CCDC86: variants seen among roughly 807,000 people sequenced by gnomAD.
CCDC86 encodes the protein coiled-coil domain-containing protein 86.
A neutral mutation model predicts 36.7 loss-of-function variants in CCDC86; 28 were observed. That is an observed-to-expected ratio of 0.76 (90% CI 0.57 to 1.05). The LOEUF (loss-of-function observed/expected upper bound fraction) is 1.05. CCDC86 is among the 50% of genes least tolerant of loss of function. The pLI is 0.00. For missense variants in CCDC86, 453 were observed against 470.2 expected, an observed-to-expected ratio of 0.96 and a Z score of 0.34; for synonymous variants, 199 against 203.4, an observed-to-expected ratio of 0.98 and a Z score of 0.18.
intron 1 of CCDC86, 27 bp from the exon 2 acceptor site, chr11:60,847,897 T>C (rs1416947742): frequency 1.2e-6 from 2 of 1,600,250 alleles, no homozygotes; most frequent in Non-Finnish European, 1.7e-6. Flanking sequence ...CCACAGACCC[T>C]GTATGCACCC....
chr11:60,843,852 T>A (rs1042134966), intron 1 of CCDC86, among the ~76,000 whole-genome samples: 3 of 152,198 alleles, frequency 2.0e-5, no homozygotes, highest in African/African-American at 7.2e-5. Flanking sequence ...GGCCCTTTTC[T>A]TGTATCCTTA....
chr11:60,842,343 G>T lies in CCDC86; in HGVS notation c.219G>T (p.Gln73His). 1 of 1,613,812 alleles carries T rather than the reference G, an allele frequency of 6.2e-7. No individual in the cohort carries two copies. The highest frequency in any genetic ancestry group is 8.5e-7 in the Non-Finnish European group (1 of 1,179,942). Residue 73 changes from glutamine (Q) to histidine (H), a missense_variant, in exon 1 of 4, where the codon CAG becomes CAT. Physicochemically the swap from Gln to His is conservative, Grantham distance 24 (BLOSUM62 0). Coordinates refer to ENST00000227520, the MANE Select transcript of CCDC86 (RefSeq NM_024098.4). ...PKTSPGSPRL[Q>H]QGAGLESPQG... ...CAAGCCCAGGATCACCCCGTCTGCA[G>T]CAGGGTGCAGGCTTGGAGTCACCCC...
At chr11:60,846,736 A>C (rs1208155364) in intron 1 of CCDC86, among the ~76,000 whole-genome samples, 1 of 151,896 alleles carries the variant, frequency 6.6e-6, no homozygotes, top group Admixed American at 6.6e-5. Flanking sequence ...CACCACACCC[A>C]GCTAATTTTG....
intron 2 of CCDC86, among the ~76,000 whole-genome samples, chr11:60,848,511 C>T (rs1855216056): frequency 6.6e-6 from 1 of 152,136 alleles, no homozygotes; most frequent in African/African-American, 2.4e-5. Context: ...TGGATGGCCC[C>T]CGCACCTTTC....
intron 1 of CCDC86, among the ~76,000 whole-genome samples, chr11:60,844,467 C>T (rs931299372): frequency 6.6e-6 from 1 of 152,166 alleles, no homozygotes; most frequent in Non-Finnish European, 1.5e-5. Flanking sequence ...CCATGTGTGA[C>T]GCTCCCTCCT....
chr11:60,848,478 A>T (rs1389900955), intron 2 of CCDC86, among the ~76,000 whole-genome samples: 1 of 152,066 alleles, frequency 6.6e-6, no homozygotes, highest in African/African-American at 2.4e-5. Flanking sequence ...ATTCTCCAAG[A>T]AGCAGCCCAC....
At position 60,842,544 on chromosome 11, in the gene CCDC86, G is replaced by C; in HGVS notation, c.420G>C (p.Gln140His). ...GAGTACTGGCCTCGGAGTTGGCCCA[G>C]AATAAGGAGGAGCTGACCCCGGGGG... The part of the protein sequence containing the change: ...DQGVLASELA[Q>H]NKEELTPGAP... Residue 140 changes from glutamine (Q) to histidine (H), a missense_variant, in exon 1 of 4, where the codon CAG (glutamine) becomes CAC (histidine). Coordinates refer to ENST00000227520, the MANE Select transcript of CCDC86 (RefSeq NM_024098.4). The C allele has an allele frequency of 6.2e-7, 1 of 1,613,572 alleles. No homozygotes were observed. The highest frequency in any genetic ancestry group is 2.2e-5 in the East Asian group (1 of 44,882).
rs1247833858 is a variant in CCDC86, at chr11:60,842,494, G to C, written c.370G>C (p.Ala124Pro). Reference protein sequence around the residue: ...PRCQPKPSEEAPKCSQDQGVL... With the variant: ...PRCQPKPSEEPPKCSQDQGVL... Reference sequence around the variant, plus strand: ...ATGTCAGCCGAAGCCAAGTGAGGAGGCACCAAAGTGTTCTCAGGACCAGGG... The same window carrying C: ...ATGTCAGCCGAAGCCAAGTGAGGAGCCACCAAAGTGTTCTCAGGACCAGGG... Residue 124 changes from alanine to proline, a missense_variant, in exon 1 of 4, where the codon GCA becomes CCA. By Grantham distance (27) the Ala-to-Pro change is conservative. Transcript: ENST00000227520. 1 of 1,613,748 alleles carries C rather than the reference G, an allele frequency of 6.2e-7. No individual in the cohort carries two copies. Among genetic ancestry groups the C allele is most frequent in the East Asian group, 2.2e-5 (1 of 44,872 alleles).
intron 1 of CCDC86, among the ~76,000 whole-genome samples, chr11:60,846,449 T>A (rs1855183341): frequency 6.6e-6 from 1 of 152,218 alleles, no homozygotes; most frequent in South Asian, 2.1e-4. Context: ...TTTACTTTTT[T>A]TGAATGGAAA....
intron 1 of CCDC86, among the ~76,000 whole-genome samples, chr11:60,845,932 G>A (rs937905730): frequency 1.3e-5 from 2 of 152,152 alleles, no homozygotes; most frequent in Admixed American, 6.5e-5. Context: ...TACCTTAGCC[G>A]CCAGCCACAT....
intron 2 of CCDC86, 102 bp downstream of exon 2, chr11:60,848,155 G>A (rs1368949410): frequency 7.1e-6 from 10 of 1,403,770 alleles, no homozygotes; most frequent in African/African-American, 2.9e-5. Context: ...GGGGGAGGCC[G>A]ACTTGGTTAA....
At chr11:60,845,530 G>A (rs1263699472) in intron 1 of CCDC86, among the ~76,000 whole-genome samples, 3 of 152,230 alleles carry the variant, frequency 2.0e-5, no homozygotes, top group East Asian at 1.9e-4. Flanking sequence ...GAGCAGCTTC[G>A]GTGGGTAGTA....
intron 1 of CCDC86, among the ~76,000 whole-genome samples, chr11:60,843,633 C>A (rs2134798483): frequency 6.6e-6 from 1 of 152,302 alleles, no homozygotes; most frequent in East Asian, 1.9e-4. Context: ...ATAGTAAATG[C>A]CCAATGAATG....
chr11:60,850,653 A>C lies in CCDC86; in HGVS notation c.*328A>C. 6.5e-6 allele frequency: 2 copies of C among 307,678 alleles called. No individual in the cohort carries two copies. Among genetic ancestry groups the C allele is most frequent in the Non-Finnish European group, 1.2e-5 (2 of 163,644 alleles). The allele number at this position is 307,678 out of a possible 1,614,324, so 19.1% of individuals were successfully genotyped here. A position where few individuals can be genotyped will look rare whatever the true frequency, so the allele number is the denominator to read the frequency against. On this transcript the variant is annotated 3_prime_UTR_variant, in exon 4 of 4. Transcript: ENST00000227520. ...TCAGTGAGCTGGTGACTGGCAGGTG[A>C]CTCCCTCAGCAGTGTATGCCCTTTC...
Position 60,842,130 on chromosome 11 carries a change from T to C in CCDC86, c.6T>C (p.Asp2=), listed in dbSNP as rs1379606758. The change falls in exon 1 of 4, where the codon GAT becomes GAC. Residue 2 remains aspartate, a synonymous_variant. Transcript: ENST00000227520. M[D]TPLRRSRRLG... ...GGAAACTTACCGGCTGAGCCATGGATACACCGTTAAGGCGCAGCCGACGGC... is the reference window on the plus strand; with the variant it reads ...GGAAACTTACCGGCTGAGCCATGGACACACCGTTAAGGCGCAGCCGACGGC... 4.4e-6 allele frequency: 7 copies of C among 1,575,878 alleles called. No individual in the cohort carries two copies. Among genetic ancestry groups the C allele is most frequent in the Non-Finnish European group, 6.0e-6 (7 of 1,162,276 alleles).
chr11:60,842,120 G>A lies in CCDC86; in HGVS notation c.-5G>A. 1 of 1,536,496 alleles carries A rather than the reference G, an allele frequency of 6.5e-7. No homozygotes were observed. Among genetic ancestry groups the A allele is most frequent in the Non-Finnish European group, 8.8e-7 (1 of 1,141,980 alleles). On this transcript the variant is annotated 5_prime_UTR_variant, in exon 1 of 4. Coordinates refer to ENST00000227520, the MANE Select transcript of CCDC86 (RefSeq NM_024098.4). ...GCAGGGGTGTGGAAACTTACCGGCT[G>A]AGCCATGGATACACCGTTAAGGCGC...
chr11:60,842,635 G>C lies in CCDC86; in HGVS notation c.511G>C (p.Gly171Arg), dbSNP rs199594485. The C allele has an allele frequency of 5.6e-6, 9 of 1,613,782 alleles. No homozygotes were observed. The highest frequency in any genetic ancestry group is 7.6e-6 in the Non-Finnish European group (9 of 1,179,998). ...PEPYPGQQAP[G>R]PEPSQPLLEL... ...GCCTTACCCCGGTCAGCAAGCTCCC[G>C]GTCCGGAGCCCTCTCAGCCACTACT... Residue 171 changes from glycine to arginine, a missense_variant, in exon 1 of 4, where the codon GGT (glycine) becomes CGT (arginine). Gly to Arg is a moderately radical substitution (Grantham distance 125). Coordinates refer to ENST00000227520, the MANE Select transcript of CCDC86 (RefSeq NM_024098.4).
intron 1 of CCDC86, among the ~76,000 whole-genome samples, chr11:60,846,873 T>C (rs537024): frequency 0.72 from 109,153 of 151,974 alleles, 39,526 homozygotes; most frequent in East Asian, 0.92. Context: ...TGCGCCCGGC[T>C]GATCTTTGGC....
rs2074422 is a variant in CCDC86 at position 60,842,499 on chromosome 11, A to G, written c.375A>G (p.Pro125=). Residue 125 remains proline, a synonymous_variant, in exon 1 of 4, where the codon CCA becomes CCG. Transcript: ENST00000227520. ...AGCCGAAGCCAAGTGAGGAGGCACC[A>G]AAGTGTTCTCAGGACCAGGGAGTAC... is the stretch of plus-strand genomic sequence containing the variant. The part of the protein sequence containing the change: ...RCQPKPSEEA[P]KCSQDQGVLA... 0.21 allele frequency: 333,998 copies of G among 1,613,780 alleles called. 35,700 individuals are homozygous for G. The highest frequency in any genetic ancestry group is 0.26 in the Middle Eastern group (1,575 of 6,062).
Sources: gnomAD v4.1 joint callset for allele counts (sites outside exome capture counted in the v4.1 genomes callset) on GRCh38, gnomAD v4.1.1 for gene constraint, MANE v1.5 for transcripts, NCBI Gene and HGNC (gene_info 2026-07-23, HGNC 2026-07-21) for gene names.